The following KIAA1958 variants were observed in gnomAD, a reference collection of about 807,000 sequenced individuals.
KIAA1958 encodes the protein KIAA1958.
A neutral mutation model predicts 47.2 loss-of-function variants in KIAA1958; 14 were observed. That is an observed-to-expected ratio of 0.30 (90% CI 0.20 to 0.46). The LOEUF is 0.46. Ranked by LOEUF, KIAA1958 falls within the 20% of genes least tolerant of loss-of-function variation. The pLI is 1.00. For synonymous variants in KIAA1958, 354 were observed against 353.3 expected, an observed-to-expected ratio of 1.00 and a Z score of -0.02; for missense variants, 803 against 909.2, an observed-to-expected ratio of 0.88 and a Z score of 1.50.
At chr9:112,522,452 C>T (rs1469058823) in intron 1 of KIAA1958, among the ~76,000 whole-genome samples, 1 of 152,314 alleles carries the variant, frequency 6.6e-6, no homozygotes, top group Non-Finnish European at 1.5e-5. Context: ...TCTGGGCCTG[C>T]TTTCCTTTCA....
rs368441076 is a variant in KIAA1958, at chr9:112,659,945, G to A, written c.2027G>A (p.Arg676His). The change falls in exon 4 of 4, where the codon CGC becomes CAC. Residue 676 changes from arginine to histidine, a missense_variant. This residue lies in a region of KIAA1958 where 761 missense variants were observed against 829.3 expected (regional missense o/e 0.92). Transcript: ENST00000337530. ...VWYEEQRMGL[R>H]SLRGIVPNLA... ...TATGAGGAGCAGAGGATGGGGCTGC[G>A]CTCTCTTCGGGGAATTGTCCCAAAC... The A allele has an allele frequency of 1.3e-5, 21 of 1,614,224 alleles. No homozygotes were observed. Among genetic ancestry groups the A allele is most frequent in the Middle Eastern group, 3.3e-4 (2 of 6,062 alleles).
chr9:112,641,848 T>G (rs1836896238), intron 2 of KIAA1958, among the ~76,000 whole-genome samples: 1 of 152,216 alleles, frequency 6.6e-6, no homozygotes, highest in South Asian at 2.1e-4. Context: ...TTTCTTGTTT[T>G]CCTGTTTTTC....
chr9:112,503,590 C>G (rs1037827494), intron 1 of KIAA1958, among the ~76,000 whole-genome samples: 1 of 131,902 alleles, frequency 7.6e-6, no homozygotes, highest in Admixed American at 9.1e-5. Flanking sequence ...GTACTCCAGC[C>G]TGGGCAACAG....
At chr9:112,489,702 A>T (rs998873787) in intron 1 of KIAA1958, among the ~76,000 whole-genome samples, 1 of 152,044 alleles carries the variant, frequency 6.6e-6, no homozygotes, top group Non-Finnish European at 1.5e-5. Context: ...AGAAAATTTG[A>T]ATTTGTGTAA....
At chr9:112,627,568 A>T (rs556722767) in intron 2 of KIAA1958, among the ~76,000 whole-genome samples, 52 of 152,308 alleles carry the variant, frequency 3.4e-4, no homozygotes, top group African/African-American at 1.2e-3. Context: ...AGCCTGGCCA[A>T]CATGACGAAG....
intron 1 of KIAA1958, among the ~76,000 whole-genome samples, chr9:112,547,606 T>C (rs1434539468): frequency 1.3e-5 from 2 of 152,080 alleles, no homozygotes; most frequent in East Asian, 3.9e-4. Context: ...ACAGACTCTT[T>C]GTAGCAGTAA....
chr9:112,645,616 A>C, intron 2 of KIAA1958, 34 bp from the exon 3 acceptor site: 1 of 1,476,684 alleles, frequency 6.8e-7, no homozygotes, highest in Non-Finnish European at 9.3e-7. Context: ...GGAATGGCAA[A>C]TTATTTTAAT....
intron 1 of KIAA1958, among the ~76,000 whole-genome samples, chr9:112,561,722 G>T (rs1048743217): frequency 6.6e-6 from 1 of 152,160 alleles, no homozygotes; most frequent in African/African-American, 2.4e-5. Flanking sequence ...AGGCATGGTG[G>T]TGGGCACCTG....
At chr9:112,488,871 A>C (rs1299422831) in intron 1 of KIAA1958, among the ~76,000 whole-genome samples, 1 of 152,198 alleles carries the variant, frequency 6.6e-6, no homozygotes, top group Non-Finnish European at 1.5e-5. Context: ...TTCTTGTCCC[A>C]GTTAAACAGA....
chr9:112,522,643 T>G (rs979361979), intron 1 of KIAA1958, among the ~76,000 whole-genome samples: 1 of 152,232 alleles, frequency 6.6e-6, no homozygotes, highest in African/African-American at 2.4e-5. Context: ...GTCCTGACCC[T>G]CATTGACCCA....
At chr9:112,590,689 C>G (rs1411971670) in intron 2 of KIAA1958, among the ~76,000 whole-genome samples, 1 of 152,042 alleles carries the variant, frequency 6.6e-6, no homozygotes, top group African/African-American at 2.4e-5. Flanking sequence ...CCATGGCAGA[C>G]CTCAGAACAT....
intron 1 of KIAA1958, among the ~76,000 whole-genome samples, chr9:112,522,818 T>C (rs1240235205): frequency 6.6e-6 from 1 of 152,216 alleles, no homozygotes. Flanking sequence ...CAGTCCCCAG[T>C]GGGTCCTTGG....
intron 1 of KIAA1958, among the ~76,000 whole-genome samples, chr9:112,490,279 G>A (rs1833946453): frequency 6.6e-6 from 1 of 152,170 alleles, no homozygotes; most frequent in South Asian, 2.1e-4. Context: ...GACAGTTTGT[G>A]TTTGTAAAGA....
chr9:112,668,502 T>G lies in KIAA1958; in HGVS notation c.*8433T>G, dbSNP rs2131261769. 6.6e-6 allele frequency: 1 copy of G among 152,352 alleles called. No individual in the cohort carries two copies. The highest frequency in any genetic ancestry group is 1.5e-5 in the Non-Finnish European group (1 of 68,036). 9.4% of individuals were successfully genotyped at this position (152,352 alleles called of 1,614,324 possible). ...TTATTTCTGGAGTCTACAATGTCAG[T>G]GTTAGAACTAATGCTGGGTTGTTTT... On this transcript the variant is annotated 3_prime_UTR_variant, in exon 4 of 4. Coordinates refer to ENST00000337530, the MANE Select transcript of KIAA1958 (RefSeq NM_133465.4).
At chr9:112,519,944 A>T (rs188769012) in intron 1 of KIAA1958, among the ~76,000 whole-genome samples, 1 of 152,298 alleles carries the variant, frequency 6.6e-6, no homozygotes, top group African/African-American at 2.4e-5. Flanking sequence ...CTTGTTCCTA[A>T]TTATACAATA....
chr9:112,521,374 G>A (rs756359208), intron 1 of KIAA1958, among the ~76,000 whole-genome samples: 1 of 151,938 alleles, frequency 6.6e-6, no homozygotes, highest in Non-Finnish European at 1.5e-5. Context: ...CACTATGCCC[G>A]GCTAATTTTT....
Position 112,659,528 on chromosome 9 carries a change from A to T in KIAA1958, c.1610A>T (p.Asp537Val). 6.2e-7 allele frequency: 1 copy of T among 1,613,214 alleles called. No homozygotes were observed. Among genetic ancestry groups the T allele is most frequent in the South Asian group, 1.1e-5 (1 of 90,882 alleles). Residue 537 changes from aspartate to valine, a missense_variant, in exon 4 of 4, where the codon GAC becomes GTC. Asp to Val is a radical substitution (Grantham distance 152). This residue lies in a region of KIAA1958 where 761 missense variants were observed against 829.3 expected (regional missense o/e 0.92). Transcript: ENST00000337530. The part of the protein sequence containing the change: ...SRNIVYFSLS[D>V]EEEMWQAGCL... ...AACATCGTCTACTTCTCCCTTTCTGACGAGGAGGAGATGTGGCAGGCAGGG... is the reference window on the plus strand; with the variant it reads ...AACATCGTCTACTTCTCCCTTTCTGTCGAGGAGGAGATGTGGCAGGCAGGG...
intron 1 of KIAA1958, among the ~76,000 whole-genome samples, chr9:112,508,027 T>G (rs1834259905): frequency 6.6e-6 from 1 of 152,166 alleles, no homozygotes; most frequent in Non-Finnish European, 1.5e-5. Flanking sequence ...CATATCTATA[T>G]ATACAACCTA....
chr9:112,566,384 G>T (rs1052781760), intron 1 of KIAA1958, among the ~76,000 whole-genome samples: 5 of 152,048 alleles, frequency 3.3e-5, no homozygotes, highest in Non-Finnish European at 7.4e-5. Context: ...CTGGTTAATA[G>T]GTTCTTTAGA....
Sources: allele counts gnomAD v4.1 joint callset (sites outside exome capture counted in the v4.1 genomes callset), GRCh38; gene constraint gnomAD v4.1.1; regional missense constraint gnomAD v4.1.1; transcripts MANE v1.5; gene names NCBI Gene and HGNC (gene_info 2026-07-23, HGNC 2026-07-21).